Variants in TBC1D1 observed in about 807,000 individuals in gnomAD.
TBC1D1 encodes TBC1 (tre-2/USP6, BUB2, cdc16) domain family, member 1.
A neutral mutation model predicts 125.6 loss-of-function variants in TBC1D1; 89 were observed. That is an observed-to-expected ratio of 0.71 (90% CI 0.60 to 0.85). The LOEUF (loss-of-function observed/expected upper bound fraction) is 0.85, where lower values mean the gene tolerates loss of function less well. Ranked by LOEUF, TBC1D1 falls within the 40% of genes least tolerant of loss-of-function variation. TBC1D1 has a pLI of 0.00. For synonymous variants in TBC1D1, 565 were observed against 564.1 expected, an observed-to-expected ratio of 1.00 and a Z score of -0.02; for missense variants, 1,377 against 1,469.2, an observed-to-expected ratio of 0.94 and a Z score of 1.03.
chr4:37,944,621 G>C (rs1726274836), intron 2 of TBC1D1, among the ~76,000 whole-genome samples: 1 of 152,248 alleles, frequency 6.6e-6, no homozygotes, highest in Admixed American at 6.5e-5. Context: ...CATGGGTGTG[G>C]AACCCTTTGA....
chr4:38,071,423 A>G (rs929820270), intron 12 of TBC1D1, among the ~76,000 whole-genome samples: 6 of 152,222 alleles, frequency 3.9e-5, no homozygotes, highest in African/African-American at 1.2e-4. Context: ...CATCATTTTT[A>G]TATCTCTTTT....
At chr4:38,008,627 C>G (rs903838460) in intron 2 of TBC1D1, among the ~76,000 whole-genome samples, 1 of 152,198 alleles carries the variant, frequency 6.6e-6, no homozygotes, top group African/African-American at 2.4e-5. Flanking sequence ...AGCACTTCAC[C>G]TATGCCCAGA....
In TBC1D1 at chr4:38,096,072, C is replaced by T. The variant is rs1248083757; in HGVS notation, c.2380C>T (p.His794Tyr). 3 of 1,612,802 alleles carry T rather than the reference C, an allele frequency of 1.9e-6. No homozygotes were observed. The highest frequency in any genetic ancestry group is 2.5e-6 in the Non-Finnish European group (3 of 1,179,288). The change falls in exon 14 of 20, where the codon CAC becomes TAC. Residue 794 changes from histidine (H) to tyrosine (Y), a missense_variant. His to Tyr is a moderately conservative substitution (Grantham distance 83). Around this residue, in one of 3 missense-constraint regions of TBC1D1, gnomAD observed 543 missense variants for 613.5 expected, o/e 0.89. Coordinates refer to ENST00000261439, the MANE Select transcript of TBC1D1 (RefSeq NM_015173.4). ...AATTAAGTTTGACATGGAAAAAATGCACTCGGCTGTTGGGCAAGGTAAGCT... is the reference window on the plus strand; with the variant it reads ...AATTAAGTTTGACATGGAAAAAATGTACTCGGCTGTTGGGCAAGGTAAGCT...
At chr4:37,951,357 G>C (rs533872618) in intron 2 of TBC1D1, among the ~76,000 whole-genome samples, 2 of 152,254 alleles carry the variant, frequency 1.3e-5, no homozygotes, top group South Asian at 4.1e-4. Flanking sequence ...GAACCTGGGA[G>C]TTCATTAGAA....
At chr4:37,927,351 AT>A (rs1027740598) in intron 2 of TBC1D1, among the ~76,000 whole-genome samples, 1 of 152,014 alleles carries the variant, frequency 6.6e-6, no homozygotes, top group African/African-American at 2.4e-5. Context: ...TTACAATTCT[AT>A]TTTTTTGTGT....
chr4:37,987,260 T>C (rs1259304915), intron 2 of TBC1D1, among the ~76,000 whole-genome samples: 1 of 152,096 alleles, frequency 6.6e-6, no homozygotes, highest in Non-Finnish European at 1.5e-5. Context: ...TCAAAATAAT[T>C]GTGGCAGTAG....
At chr4:37,981,613 TGA>T (rs1031413142) in intron 2 of TBC1D1, among the ~76,000 whole-genome samples, 26 of 152,026 alleles carry the variant, frequency 1.7e-4, no homozygotes, top group African/African-American at 6.3e-4. Context: ...ATCTGACTGG[TGA>T]GAGGGCAGGA....
rs28470216 is a variant in TBC1D1 at position 37,911,261 on chromosome 4, T to C, written c.417+8749T>C. Among the ~76,000 whole-genome samples, 612 of 151,768 alleles carry C rather than the reference T, an allele frequency of 4.0e-3. 6 individuals are homozygous for C. The highest frequency in any genetic ancestry group is 0.014 in the African/African-American group (590 of 41,442). ...TGGATCAGAGCCATGTGGGCCACCA[T>C]TTTAGGATATACTGAAGTAGCTAAA... On this transcript the variant is annotated intron_variant, in intron 2 of 19. Coordinates refer to ENST00000261439, the MANE Select transcript of TBC1D1 (RefSeq NM_015173.4).
chr4:38,046,261 A>G lies in TBC1D1; in HGVS notation c.1629+358A>G, dbSNP rs1232044654. Among the ~76,000 whole-genome samples, 4 of 151,964 alleles carry G rather than the reference A, an allele frequency of 2.6e-5. 1 individual carries two copies. In the South Asian group the frequency reaches 6.2e-4, roughly 24 times the overall value. ...GTGGCGGGCACCCGTAGTCCCAGCT[A>G]CTCGGGAGGCTGAGGCAGGAGAATG... On this transcript the variant is annotated intron_variant, in intron 10 of 19. Coordinates refer to ENST00000261439, the MANE Select transcript of TBC1D1 (RefSeq NM_015173.4).
chr4:38,025,107 T>C (rs536265917), intron 6 of TBC1D1, among the ~76,000 whole-genome samples: 1 of 152,334 alleles, frequency 6.6e-6, no homozygotes, highest in South Asian at 2.1e-4. Context: ...TGAGATTTTC[T>C]TTTGCTCTCA....
intron 8 of TBC1D1, among the ~76,000 whole-genome samples, chr4:38,041,563 T>C (rs1310561063): frequency 6.6e-6 from 1 of 152,170 alleles, no homozygotes; most frequent in Non-Finnish European, 1.5e-5. Context: ...CAAATAAGTG[T>C]TTAACAATAG....
chr4:37,981,063 C>G (rs1483555443), intron 2 of TBC1D1, among the ~76,000 whole-genome samples: 1 of 152,144 alleles, frequency 6.6e-6, no homozygotes, highest in Admixed American at 6.5e-5. Flanking sequence ...CCACCTCAGC[C>G]TCCCTAGTAG....
At chr4:38,018,585 C>T (rs1578291302) in intron 4 of TBC1D1, 142 bp downstream of exon 4, 1 of 349,978 alleles carries the variant, frequency 2.9e-6, no homozygotes, top group South Asian at 4.5e-5. Context: ...CGCTTTTCTT[C>T]TTTGCTTTGG....
At chr4:38,093,585 C>T (rs889305970) in intron 13 of TBC1D1, among the ~76,000 whole-genome samples, 2 of 147,758 alleles carry the variant, frequency 1.4e-5, no homozygotes, top group East Asian at 2.2e-4. Flanking sequence ...AGTACAGTGG[C>T]ACAATCTCGG....
intron 12 of TBC1D1, among the ~76,000 whole-genome samples, chr4:38,076,798 G>A (rs66461484): frequency 0.1 from 15,617 of 151,114 alleles, 914 homozygotes; most frequent in East Asian, 0.18. Context: ...TTTTCAGGAG[G>A]AAAAAAAACC....
In TBC1D1 at chr4:38,049,674, C is replaced by T; in HGVS notation, c.1686C>T (p.Leu562=). 6.2e-7 allele frequency: 1 copy of T among 1,614,110 alleles called. No individual in the cohort carries two copies. The highest frequency in any genetic ancestry group is 8.5e-7 in the Non-Finnish European group (1 of 1,180,010). The stretch of plus-strand genomic sequence containing the variant: ...CCATCTCTGAGAGCTCCTTTAAGCT[C>T]CTCGGCTCCTCGGAGGACCTGTCCA... The change falls in exon 11 of 20, where the codon CTC becomes CTT. Residue 562 remains leucine (L), a synonymous_variant. Transcript: ENST00000261439.
At position 37,995,852 on chromosome 4, in the gene TBC1D1, C is replaced by T; in HGVS notation, c.418-18657C>T. 1 of 576,904 alleles carries T rather than the reference C, an allele frequency of 1.7e-6. No homozygotes were observed. The highest frequency in any genetic ancestry group is 4.9e-5 in the East Asian group (1 of 20,476). The allele number at this position is 576,904 out of a possible 1,614,324, so 35.7% of individuals were successfully genotyped here. A position where few individuals can be genotyped will look rare whatever the true frequency, so the allele number is the denominator to read the frequency against. ...TCAGGTGCTGGATCCATGTGATCAC[C>T]AGAATGCATTTCTCTTTGAGAATCC... On this transcript the variant is annotated intron_variant, in intron 2 of 19. Transcript: ENST00000261439. The surrounding 1 kb of genome is among the most constrained non-coding windows in gnomAD (Gnocchi z 4.3).
At position 38,008,492 on chromosome 4, in the gene TBC1D1, C is replaced by G. The variant is rs191550195; in HGVS notation, c.418-6017C>G. On this transcript the variant is annotated intron_variant, in intron 2 of 19. Transcript: ENST00000261439. ...ACAGCTTATCCAATTTGCCATTTCA[C>G]AACCAGGGAAGCTGAATAATGCTAC... Among the ~76,000 whole-genome samples, 241 of 152,310 alleles carry G rather than the reference C, an allele frequency of 1.6e-3. 2 individuals carry two copies. The highest frequency in any genetic ancestry group is 5.5e-3 in the African/African-American group (227 of 41,566).
intron 2 of TBC1D1, among the ~76,000 whole-genome samples, chr4:37,925,512 TCGAG>T (rs1721898193): frequency 6.6e-6 from 1 of 151,880 alleles, no homozygotes; most frequent in Admixed American, 6.6e-5. Flanking sequence ...GGTCAAGAAA[TCGAG>T]ACCATCCTGG....
Sources: allele counts gnomAD v4.1 joint callset (sites outside exome capture counted in the v4.1 genomes callset), GRCh38; gene constraint gnomAD v4.1.1; regional missense constraint gnomAD v4.1.1; non-coding constraint Gnocchi (gnomAD v3.1); transcripts MANE v1.5; gene names NCBI Gene and HGNC (gene_info 2026-07-23, HGNC 2026-07-21).